MIEF1: variants seen among roughly 807,000 people sequenced by gnomAD.
MIEF1 encodes the protein mitochondrial dynamics protein MIEF1.
In MIEF1, 14 loss-of-function variants were observed where a neutral mutation model predicts 35.1. That is an observed-to-expected ratio of 0.40 (90% CI 0.26 to 0.62). The LOEUF (loss-of-function observed/expected upper bound fraction) is 0.62. Ranked by LOEUF, MIEF1 falls within the 20% of genes least tolerant of loss-of-function variation. The pLI is 0.43. For missense variants in MIEF1, 542 were observed against 615.4 expected (o/e 0.88, Z 1.26); for synonymous variants, 245 against 254.3 (o/e 0.96, Z 0.35).
In MIEF1 at chr22:39,515,143, C is replaced by T; in HGVS notation, c.*820C>T. On this transcript the variant is annotated 3_prime_UTR_variant, in exon 6 of 6. Transcript: ENST00000325301. Reference sequence around the variant, plus strand: ...GCTCGTCATCTGTGGCTGCAGGGGTCAGACAGACAAGGATGGGGACTGCCA... The same window carrying T: ...GCTCGTCATCTGTGGCTGCAGGGGTTAGACAGACAAGGATGGGGACTGCCA... 1 of 644,838 alleles carries T rather than the reference C, an allele frequency of 1.6e-6. No individual in the cohort carries two copies. The highest frequency in any genetic ancestry group is 2.9e-4 in the Middle Eastern group (1 of 3,480). The allele number at this position is 644,838 out of a possible 1,614,324, so 39.9% of individuals were successfully genotyped here. A position where few individuals can be genotyped will look rare whatever the true frequency, so the allele number is the denominator to read the frequency against.
intron 2 of MIEF1, among the ~76,000 whole-genome samples, chr22:39,507,967 A>G (rs1930130213): frequency 6.6e-6 from 1 of 152,224 alleles, no homozygotes; most frequent in African/African-American, 2.4e-5. Flanking sequence ...TGTCACTCAG[A>G]GGACAGTCTG....
chr22:39,512,192 ATG>A, intron 4 of MIEF1, 38 bp from the exon 5 acceptor site: 6 of 1,597,414 alleles, frequency 3.8e-6, no homozygotes, highest in Non-Finnish European at 5.1e-6. Flanking sequence ...CTGAGCAGGC[ATG>A]GGCAGAGCTC....
chr22:39,508,184 C>T (rs1270295325), intron 2 of MIEF1, among the ~76,000 whole-genome samples: 3 of 152,242 alleles, frequency 2.0e-5, no homozygotes, highest in African/African-American at 4.8e-5. Flanking sequence ...CCATTATCCC[C>T]TTTTCGTAGC....
chr22:39,503,102 T>A (rs1334468177), intron 1 of MIEF1: 2 of 152,238 alleles, frequency 1.3e-5, no homozygotes, highest in Non-Finnish European at 2.9e-5. Flanking sequence ...TGCCAAGCGC[T>A]GTGCTGGGAA....
rs183405323 is a variant in MIEF1, at chr22:39,518,067, A to G, written c.*3744A>G. 6 of 153,900 alleles carry G rather than the reference A, an allele frequency of 3.9e-5. No homozygotes were observed. Among genetic ancestry groups the G allele is most frequent in the African/African-American group, 1.2e-4 (5 of 41,468 alleles). The allele number at this position is 153,900 out of a possible 1,614,324, so 9.5% of individuals were successfully genotyped here. A position where few individuals can be genotyped will look rare whatever the true frequency, so the allele number is the denominator to read the frequency against. ...CCTTTTTCTCCTTGAGGGAGGAAAT[A>G]AAACTGCGGAATACAATGTCCTTCC... On this transcript the variant is annotated 3_prime_UTR_variant, in exon 6 of 6. Transcript: ENST00000325301.
At chr22:39,508,132 T>C (rs149261854) in intron 2 of MIEF1, among the ~76,000 whole-genome samples, 71 of 152,228 alleles carry the variant, frequency 4.7e-4, no homozygotes, top group Middle Eastern at 6.8e-3. Context: ...CAGTGAATGG[T>C]TTTTCCTCAC....
upstream of MIEF1, among the ~76,000 whole-genome samples, chr22:39,500,757 T>C (rs113075754): frequency 0.086 from 13,064 of 151,844 alleles, 1,826 homozygotes; most frequent in African/African-American, 0.29. Flanking sequence ...TACAGTAGCG[T>C]GATCTTGGCT....
chr22:39,506,690 CA>C (rs1930033374), intron 2 of MIEF1, among the ~76,000 whole-genome samples: 1 of 152,224 alleles, frequency 6.6e-6, no homozygotes, highest in Non-Finnish European at 1.5e-5. Flanking sequence ...TAGGAAGCCG[CA>C]AGGCCTCCAT....
rs1408279131 is a variant in MIEF1, at chr22:39,518,062, G to A, written c.*3739G>A. On this transcript the variant is annotated 3_prime_UTR_variant, in exon 6 of 6. Coordinates refer to ENST00000325301, the MANE Select transcript of MIEF1 (RefSeq NM_019008.6). ...GCTGTCCTTTTTCTCCTTGAGGGAG[G>A]AAATAAAACTGCGGAATACAATGTC... The A allele has an allele frequency of 1.3e-5, 2 of 153,748 alleles. No individual in the cohort carries two copies. The highest frequency in any genetic ancestry group is 3.8e-4 in the East Asian group (2 of 5,216). 9.5% of individuals were successfully genotyped at this position (153,748 alleles called of 1,614,324 possible). A position where few individuals can be genotyped will look rare whatever the true frequency, so the allele number is the denominator to read the frequency against.
chr22:39,505,429 C>T (rs1276656287), intron 2 of MIEF1, among the ~76,000 whole-genome samples: 1 of 152,120 alleles, frequency 6.6e-6, no homozygotes, highest in Non-Finnish European at 1.5e-5. Flanking sequence ...TAGCCTCAAG[C>T]GATCCTCCCA....
At chr22:39,507,273 C>T (rs555917749) in intron 2 of MIEF1, among the ~76,000 whole-genome samples, 3 of 152,100 alleles carry the variant, frequency 2.0e-5, no homozygotes, top group East Asian at 3.9e-4. Flanking sequence ...GAGATGGAGT[C>T]TTGCTCTGTC....
chr22:39,507,599 C>T (rs984967102), intron 2 of MIEF1, among the ~76,000 whole-genome samples: 15 of 151,524 alleles, frequency 9.9e-5, no homozygotes, highest in African/African-American at 3.1e-4. Flanking sequence ...GCTGTTGGCT[C>T]ACGCCTGTAA....
At chr22:39,511,197 A>G (rs1930311225) in intron 2 of MIEF1, 91 bp from the exon 3 acceptor site, 2 of 1,539,412 alleles carry the variant, frequency 1.3e-6, no homozygotes, top group East Asian at 2.3e-5. Context: ...GAACTCACAG[A>G]GTACCCTGTA....
rs2232088 is a variant in MIEF1, at chr22:39,512,414, C to T, written c.505C>T (p.Arg169Trp). The stretch of plus-strand genomic sequence containing the variant: ...TGCTGTGGACATATGTGCCGAGCTC[C>T]GGAGCTTCCTGCGGGCCAAGTTGCC... ...QAAVDICAEL[R>W]SFLRAKLPDM... Residue 169 changes from arginine (R) to tryptophan (W), a missense_variant, in exon 5 of 6, where the codon CGG (arginine) becomes TGG (tryptophan). Coordinates refer to ENST00000325301, the MANE Select transcript of MIEF1 (RefSeq NM_019008.6). 10,532 of 1,614,162 alleles carry T rather than the reference C, an allele frequency of 6.5e-3. 47 individuals are homozygous for T. Among genetic ancestry groups the T allele is most frequent in the Non-Finnish European group, 7.9e-3 (9,355 of 1,180,016 alleles).
chr22:39,510,068 C>T (rs548510836), intron 2 of MIEF1, among the ~76,000 whole-genome samples: 8 of 152,220 alleles, frequency 5.3e-5, no homozygotes, highest in African/African-American at 1.9e-4. Context: ...AAGGGATTCT[C>T]CTGTCTCAGC....
At chr22:39,501,728 CGTGA>C (rs1929712687), upstream of MIEF1, 1 of 152,216 alleles carries the variant, frequency 6.6e-6, no homozygotes, top group African/African-American at 2.4e-5. Context: ...AAAGAAGGCA[CGTGA>C]GTGTGTTAGA....
At chr22:39,501,141 T>C (rs1929681505), upstream of MIEF1, among the ~76,000 whole-genome samples, 1 of 152,126 alleles carries the variant, frequency 6.6e-6, no homozygotes, top group South Asian at 2.1e-4. Flanking sequence ...GCACCCGCCA[T>C]CTCCCTCCCA....
intron 2 of MIEF1, among the ~76,000 whole-genome samples, chr22:39,509,970 G>A (rs982810883): frequency 6.6e-6 from 1 of 152,092 alleles, no homozygotes; most frequent in Non-Finnish European, 1.5e-5. Context: ...TTTTGTTTTC[G>A]TTTTTGAGAC....
At chr22:39,500,915 C>T (rs1349099540), upstream of MIEF1, among the ~76,000 whole-genome samples, 2 of 151,928 alleles carry the variant, frequency 1.3e-5, no homozygotes, top group Admixed American at 6.6e-5. Flanking sequence ...AGGCTGGTCT[C>T]GAACTCCTGA....
Sources: gnomAD v4.1 joint callset for allele counts (sites outside exome capture counted in the v4.1 genomes callset) on GRCh38, gnomAD v4.1.1 for gene constraint, MANE v1.5 for transcripts, NCBI Gene and HGNC (gene_info 2026-07-23, HGNC 2026-07-21) for gene names.